The following ACKR2 variants were observed in gnomAD, a reference collection of about 807,000 sequenced individuals.
ACKR2 encodes atypical chemokine receptor 2, also known as C-C chemokine receptor D6.
For missense variants in ACKR2, 457 were observed against 477.3 expected (o/e 0.96, Z 0.40); for synonymous variants, 207 against 192.2 (o/e 1.08, Z -0.64).
intron 2 of ACKR2, among the ~76,000 whole-genome samples, chr3:42,830,999 G>A (rs185715715): frequency 2.0e-5 from 3 of 150,610 alleles, no homozygotes; most frequent in Admixed American, 2.0e-4. Flanking sequence ...AGTGATCCTG[G>A]GACTATAATT....
chr3:42,817,445 G>A (rs1041046543), intron 1 of ACKR2, among the ~76,000 whole-genome samples: 3 of 151,974 alleles, frequency 2.0e-5, no homozygotes, highest in South Asian at 2.1e-4. Flanking sequence ...TCCATCAGTC[G>A]TTTCTTCTGG....
chr3:42,846,187 G>A (rs192247826), intron 2 of ACKR2, among the ~76,000 whole-genome samples: 8 of 151,102 alleles, frequency 5.3e-5, no homozygotes, highest in Non-Finnish European at 1.5e-5. Flanking sequence ...ATTATTGTTC[G>A]GCCCCTAGTG....
At chr3:42,862,364 CACAA>C (rs2088393108) in intron 2 of ACKR2, among the ~76,000 whole-genome samples, 1 of 152,084 alleles carries the variant, frequency 6.6e-6, no homozygotes, top group Non-Finnish European at 1.5e-5. Context: ...TAAGAGAAGA[CACAA>C]ACAAATAGAA....
At position 42,866,008 on chromosome 3, in the gene ACKR2, G is replaced by T; in HGVS notation, c.*351G>T. ...CCTTCTGACAGGGTCTTGCTCTATT[G>T]CTCTGTCACCCAGGCTGGAATGCAG... On this transcript the variant is annotated 3_prime_UTR_variant, in exon 3 of 3. Coordinates refer to ENST00000422265, the MANE Select transcript of ACKR2 (RefSeq NM_001296.5). 4.6e-6 allele frequency: 1 copy of T among 219,580 alleles called. No homozygotes were observed. The highest frequency in any genetic ancestry group is 8.4e-6 in the Non-Finnish European group (1 of 118,360). The allele number at this position is 219,580 out of a possible 1,614,324, so 13.6% of individuals were successfully genotyped here.
At position 42,866,143 on chromosome 3, in the gene ACKR2, A is replaced by C. The variant is rs941759804; in HGVS notation, c.*486A>C. On this transcript the variant is annotated 3_prime_UTR_variant, in exon 3 of 3. Coordinates refer to ENST00000422265, the MANE Select transcript of ACKR2 (RefSeq NM_001296.5). ...AGGCACCTGCCACCATGCCTGGCTA[A>C]TTTTTGTATTTTTTTTCTTTCTTTC... The C allele has an allele frequency of 2.1e-5, 3 of 143,730 alleles. No homozygotes were observed. The highest frequency in any genetic ancestry group is 7.8e-5 in the African/African-American group (3 of 38,460). 8.9% of individuals were successfully genotyped at this position (143,730 alleles called of 1,614,324 possible). A position where few individuals can be genotyped will look rare whatever the true frequency, so the allele number is the denominator to read the frequency against.
In ACKR2 at chr3:42,864,925, C is replaced by A. The variant is rs1378432270; in HGVS notation, c.423C>A (p.Asp141Glu). 1 of 1,614,144 alleles carries A rather than the reference C, an allele frequency of 6.2e-7. No individual in the cohort carries two copies. Among genetic ancestry groups the A allele is most frequent in the Non-Finnish European group, 8.5e-7 (1 of 1,180,042 alleles). Residue 141 changes from aspartate to glutamate, a missense_variant, in exon 3 of 3, where the codon GAC becomes GAA. Asp to Glu is a conservative substitution (Grantham distance 45, BLOSUM62 2). Coordinates refer to ENST00000422265, the MANE Select transcript of ACKR2 (RefSeq NM_001296.5). Reference protein sequence around the residue: ...GIFFISCMSLDKYLEIVHAQP... With the variant: ...GIFFISCMSLEKYLEIVHAQP... ...TTTTCATTAGCTGCATGAGCCTGGA[C>A]AAGTACCTGGAGATCGTTCATGCTC...
intron 2 of ACKR2, among the ~76,000 whole-genome samples, chr3:42,854,153 G>T (rs546334841): frequency 6.6e-6 from 1 of 152,312 alleles, no homozygotes; most frequent in East Asian, 1.9e-4. Flanking sequence ...GTCAAGCTCT[G>T]TGGGGGCCTG....
chr3:42,842,087 C>A (rs1279758967), intron 2 of ACKR2, among the ~76,000 whole-genome samples: 3 of 152,274 alleles, frequency 2.0e-5, no homozygotes, highest in East Asian at 1.9e-4. Flanking sequence ...GTGTTGTCGG[C>A]CACAGTGATG....
At chr3:42,813,079 A>G (rs1298614221) in intron 1 of ACKR2, among the ~76,000 whole-genome samples, 1 of 152,186 alleles carries the variant, frequency 6.6e-6, no homozygotes, top group African/African-American at 2.4e-5. Flanking sequence ...AATGTTATTG[A>G]ATTTGATTAA....
Position 42,828,092 on chromosome 3 carries a change from A to ATATATATATTT in ACKR2, c.-38+8382_-38+8383insATATATATTTT, listed in dbSNP as rs1193533555. ...GCTTGCATTATATATATATATATAT[A>ATATATATATTT]TTTTTTTTTTTTTCTTTTCTTTTCT... On this transcript the variant is annotated intron_variant, in intron 2 of 2. Coordinates refer to ENST00000422265, the MANE Select transcript of ACKR2 (RefSeq NM_001296.5). Among the ~76,000 whole-genome samples the ATATATATATTT allele has an allele frequency of 1.0e-2, 1,216 of 121,734 alleles. 6 individuals carry two copies. Among genetic ancestry groups the ATATATATATTT allele is most frequent in the Non-Finnish European group, 0.015 (916 of 59,308 alleles). 79.9% of individuals were successfully genotyped at this position (121,734 alleles called of 152,430 possible). A position where few individuals can be genotyped will look rare whatever the true frequency, so the allele number is the denominator to read the frequency against.
At chr3:42,863,243 A>T (rs2088402116) in intron 2 of ACKR2, among the ~76,000 whole-genome samples, 1 of 152,244 alleles carries the variant, frequency 6.6e-6, no homozygotes, top group African/African-American at 2.4e-5. Flanking sequence ...GTCAACAAAC[A>T]TATGAAAAAA....
intron 1 of ACKR2, among the ~76,000 whole-genome samples, chr3:42,813,228 A>G (rs1026228277): frequency 6.6e-6 from 1 of 152,114 alleles, no homozygotes; most frequent in African/African-American, 2.4e-5. Context: ...TTTGGGTTTG[A>G]TTTTGATCTG....
Position 42,866,622 on chromosome 3 carries a change from A to T in ACKR2, c.*965A>T, listed in dbSNP as rs1270793204. 1 of 167,020 alleles carries T rather than the reference A, an allele frequency of 6.0e-6. No homozygotes were observed. The highest frequency in any genetic ancestry group is 1.5e-5 in the Non-Finnish European group (1 of 68,132). The allele number at this position is 167,020 out of a possible 1,614,324, so 10.3% of individuals were successfully genotyped here. A position where few individuals can be genotyped will look rare whatever the true frequency, so the allele number is the denominator to read the frequency against. On this transcript the variant is annotated 3_prime_UTR_variant, in exon 3 of 3. Coordinates refer to ENST00000422265, the MANE Select transcript of ACKR2 (RefSeq NM_001296.5). ...GCACCTAGCAGCCAGAGTGATCCTG[A>T]TACTCTCGGCCTTTACTTCCGCCTC...
At chr3:42,844,233 A>G (rs539860816) in intron 2 of ACKR2, among the ~76,000 whole-genome samples, 38 of 152,336 alleles carry the variant, frequency 2.5e-4, no homozygotes, top group African/African-American at 8.7e-4. Context: ...AGTTGGAGAC[A>G]TGGGCAGGAG....
intron 2 of ACKR2, among the ~76,000 whole-genome samples, chr3:42,862,222 A>G (rs912520191): frequency 6.6e-6 from 1 of 152,238 alleles, no homozygotes; most frequent in African/African-American, 2.4e-5. Flanking sequence ...CAACAGTAAC[A>G]GACAGAGAGC....
chr3:42,851,652 C>A (rs989089731), intron 2 of ACKR2, among the ~76,000 whole-genome samples: 1 of 152,070 alleles, frequency 6.6e-6, no homozygotes, highest in African/African-American at 2.4e-5. Context: ...GGTCTTCTGA[C>A]CTCTTTCCCT....
intron 2 of ACKR2, among the ~76,000 whole-genome samples, chr3:42,823,965 G>A (rs924792229): frequency 6.6e-6 from 1 of 151,648 alleles, no homozygotes; most frequent in African/African-American, 2.4e-5. Flanking sequence ...GACCTCATGT[G>A]ATAGGTTGCA....
At position 42,852,873 on chromosome 3, in the gene ACKR2, TA is replaced by T. The variant is rs1176563199; in HGVS notation, c.-37-11587del. On this transcript the variant is annotated intron_variant, in intron 2 of 2. Coordinates refer to ENST00000422265, the MANE Select transcript of ACKR2 (RefSeq NM_001296.5). This position sits in a 1 kb window ranked among gnomAD's most constrained non-coding sequence, Gnocchi z 4.3. ...TGGCAATCAGGAAAAAATAACATGT[TA>T]AAAAAGTAAGGAGAGAGAGTGTGCC... Among the ~76,000 whole-genome samples the T allele has an allele frequency of 6.6e-6, 1 of 152,056 alleles. No individual in the cohort carries two copies.
intron 2 of ACKR2, among the ~76,000 whole-genome samples, chr3:42,863,013 C>A (rs919613223): frequency 1.3e-5 from 2 of 152,154 alleles, no homozygotes; most frequent in African/African-American, 4.8e-5. Flanking sequence ...CAAATGGGAT[C>A]TAATTAAACT....
Sources: allele counts gnomAD v4.1 joint callset (sites outside exome capture counted in the v4.1 genomes callset), GRCh38; gene constraint gnomAD v4.1.1; non-coding constraint Gnocchi (gnomAD v3.1); transcripts MANE v1.5; gene names NCBI Gene and HGNC (gene_info 2026-07-23, HGNC 2026-07-21).